ZNF407: variants seen among roughly 807,000 people sequenced by gnomAD.
ZNF407 encodes the protein zinc finger protein 407.
A neutral mutation model predicts 131.2 loss-of-function variants in ZNF407; 17 were observed. The ratio of observed to expected loss-of-function variants is 0.13; its 90% confidence interval spans 0.09 to 0.19. ZNF407 has a LOEUF of 0.19. Among genes scored for constraint, ZNF407 ranks in the 10% least tolerant of loss-of-function variants. ZNF407 has a pLI of 1.00. For missense variants in ZNF407, 2,681 were observed against 2,830.6 expected (o/e 0.95, Z 1.20); for synonymous variants, 1,156 against 1,062.0 (o/e 1.09, Z -1.72).
At chr18:74,755,885 CTTTTTTTTTTTTTTT>C (rs34750560) in intron 3 of ZNF407, among the ~76,000 whole-genome samples, 3 of 25,834 alleles carry the variant, frequency 1.2e-4, no homozygotes, top group Non-Finnish European at 1.8e-4. Flanking sequence ...CTTTTCCTTC[CTTTTTTTTTTTTTTT>C]TTTTTTTTTT....
At chr18:74,805,236 G>A (rs75947731) in intron 4 of ZNF407, among the ~76,000 whole-genome samples, 1,679 of 152,040 alleles carry the variant, frequency 0.011, 30 homozygotes, top group African/African-American at 0.037. Flanking sequence ...GAAAATAATC[G>A]TCTTTCATCT....
At chr18:74,849,372 C>T (rs1345661996) in intron 4 of ZNF407, among the ~76,000 whole-genome samples, 1 of 152,100 alleles carries the variant, frequency 6.6e-6, no homozygotes, top group Non-Finnish European at 1.5e-5. Flanking sequence ...GCTACTGCAC[C>T]CCGCCGTTTC....
chr18:74,927,054 T>C (rs1431073304), intron 8 of ZNF407, among the ~76,000 whole-genome samples: 1 of 152,238 alleles, frequency 6.6e-6, no homozygotes, highest in Non-Finnish European at 1.5e-5. Flanking sequence ...AATGAAGAAC[T>C]CTGTTTTTCA....
chr18:74,642,406 G>A (rs1984765363), intron 3 of ZNF407, among the ~76,000 whole-genome samples: 1 of 152,130 alleles, frequency 6.6e-6, no homozygotes, highest in African/African-American at 2.4e-5. Flanking sequence ...ATGAGTTATA[G>A]GAAAGGAGAA....
intron 3 of ZNF407, among the ~76,000 whole-genome samples, chr18:74,707,730 A>G (rs1967660495): frequency 6.6e-6 from 1 of 152,154 alleles, no homozygotes; most frequent in South Asian, 2.1e-4. Context: ...TACTCAATGT[A>G]TTATCTGTTG....
At chr18:74,888,718 C>A (rs1971344878) in intron 6 of ZNF407, among the ~76,000 whole-genome samples, 1 of 152,036 alleles carries the variant, frequency 6.6e-6, no homozygotes, top group Non-Finnish European at 1.5e-5. Flanking sequence ...TCAGCCAATG[C>A]AGCTAGTGGA....
At chr18:74,601,203 G>A (rs1982562601) in intron 1 of ZNF407, among the ~76,000 whole-genome samples, 1 of 152,152 alleles carries the variant, frequency 6.6e-6, no homozygotes, top group Non-Finnish European at 1.5e-5. Flanking sequence ...ACTTCAGTGT[G>A]GGCTCATTTC....
At chr18:74,648,624 A>G (rs925413358) in intron 3 of ZNF407, among the ~76,000 whole-genome samples, 3 of 152,210 alleles carry the variant, frequency 2.0e-5, no homozygotes, top group African/African-American at 4.8e-5. Flanking sequence ...TATAATTTTA[A>G]TTAAAGGTGC....
chr18:74,628,077 TG>T (rs1403991262), intron 1 of ZNF407, among the ~76,000 whole-genome samples: 4 of 152,128 alleles, frequency 2.6e-5, no homozygotes, highest in Non-Finnish European at 4.4e-5. Context: ...TGACCAGAGA[TG>T]TTTTTTCACT....
chr18:74,805,865 G>T (rs904176249), intron 4 of ZNF407, among the ~76,000 whole-genome samples: 2 of 152,164 alleles, frequency 1.3e-5, no homozygotes, highest in African/African-American at 4.8e-5. Context: ...AAGATGTTAC[G>T]TTGTGTGAGA....
intron 8 of ZNF407, among the ~76,000 whole-genome samples, chr18:74,970,206 G>C (rs1972457025): frequency 6.6e-6 from 1 of 151,560 alleles, no homozygotes; most frequent in African/African-American, 2.4e-5. Flanking sequence ...GGGAATTCTG[G>C]GAGATACAGT....
chr18:74,836,989 G>A (rs1349670062), intron 4 of ZNF407, among the ~76,000 whole-genome samples: 1 of 152,132 alleles, frequency 6.6e-6, no homozygotes, highest in Admixed American at 6.5e-5. Context: ...ATGTGCTACT[G>A]CAGAAGGCTG....
chr18:74,720,643 T>TAAA (rs1234066323), intron 3 of ZNF407, among the ~76,000 whole-genome samples: 1 of 152,196 alleles, frequency 6.6e-6, no homozygotes, highest in Non-Finnish European at 1.5e-5. Flanking sequence ...GTTTTACATT[T>TAAA]AGGTGCTTGA....
intron 8 of ZNF407, among the ~76,000 whole-genome samples, chr18:74,934,826 T>G (rs978368706): frequency 1.3e-5 from 2 of 152,172 alleles, no homozygotes; most frequent in Admixed American, 6.5e-5. Flanking sequence ...AAAAATTAAT[T>G]GCTTTTTGTG....
intron 3 of ZNF407, among the ~76,000 whole-genome samples, chr18:74,719,621 T>A (rs1385075852): frequency 6.6e-6 from 1 of 152,172 alleles, no homozygotes; most frequent in Non-Finnish European, 1.5e-5. Flanking sequence ...GCCAGGATGA[T>A]CTCGATCTCC....
chr18:74,660,484 C>T (rs930109315), intron 3 of ZNF407, among the ~76,000 whole-genome samples: 1 of 152,042 alleles, frequency 6.6e-6, no homozygotes, highest in Non-Finnish European at 1.5e-5. Context: ...AAACTGACTC[C>T]AAGTAATATC....
intron 3 of ZNF407, among the ~76,000 whole-genome samples, chr18:74,706,940 CTTTTT>C (rs34700805): frequency 7.6e-6 from 1 of 132,352 alleles, no homozygotes; most frequent in African/African-American, 3.0e-5. Context: ...AAGACAGCAG[CTTTTT>C]TTTTTTTTTT....
At chr18:74,724,433 C>G (rs932163621) in intron 3 of ZNF407, among the ~76,000 whole-genome samples, 10 of 152,148 alleles carry the variant, frequency 6.6e-5, no homozygotes, top group African/African-American at 2.4e-4. Flanking sequence ...ATGTATCCCT[C>G]CTAGCTGCTT....
intron 4 of ZNF407, among the ~76,000 whole-genome samples, chr18:74,782,611 C>G (rs2145031507): frequency 6.6e-6 from 1 of 151,862 alleles, no homozygotes; most frequent in East Asian, 1.9e-4. Context: ...CCCGTTCTCC[C>G]CTTTCTCCCC....
Sources: allele counts gnomAD v4.1 joint callset (sites outside exome capture counted in the v4.1 genomes callset), GRCh38; gene constraint gnomAD v4.1.1; transcripts MANE v1.5; gene names NCBI Gene and HGNC (gene_info 2026-07-23, HGNC 2026-07-21).